Variants in GULP1 observed in about 807,000 individuals in gnomAD.
The protein encoded by GULP1 is GULP PTB domain containing engulfment adaptor 1.
In GULP1, 19 loss-of-function variants were observed where a neutral mutation model predicts 40.9. The observed-to-expected ratio is 0.46, with a 90% CI of 0.32 to 0.68. The LOEUF (loss-of-function observed/expected upper bound fraction) is 0.68. Ranked by LOEUF, GULP1 falls within the 30% of genes least tolerant of loss-of-function variation. The pLI, the probability that GULP1 is intolerant of heterozygous loss-of-function variation, is 0.03. For missense variants in GULP1, 312 were observed against 362.2 expected (o/e 0.86, Z 1.12); for synonymous variants, 119 against 117.6 (o/e 1.01, Z -0.08).
chr2:188,397,190 T>C (rs2152578840), intron 2 of GULP1, among the ~76,000 whole-genome samples: 1 of 152,330 alleles, frequency 6.6e-6, no homozygotes, highest in Middle Eastern at 3.4e-3. Context: ...TCTTTTGTCT[T>C]TCCAAGTGAG....
At chr2:188,348,525 T>C (rs1036635535) in intron 1 of GULP1, among the ~76,000 whole-genome samples, 1 of 152,192 alleles carries the variant, frequency 6.6e-6, no homozygotes, top group Non-Finnish European at 1.5e-5. Flanking sequence ...TCCTCTCCCA[T>C]GAAGATGGGT....
intron 4 of GULP1, among the ~76,000 whole-genome samples, chr2:188,502,763 G>T (rs2063550022): frequency 6.6e-6 from 1 of 151,896 alleles, no homozygotes; most frequent in African/African-American, 2.4e-5. Context: ...CTCTTAGTCA[G>T]TTAGTGCTGC....
intron 7 of GULP1, among the ~76,000 whole-genome samples, chr2:188,554,125 T>G (rs1048298064): frequency 1.3e-5 from 2 of 152,058 alleles, no homozygotes; most frequent in African/African-American, 2.4e-5. Flanking sequence ...TTGTGTATTT[T>G]TTTAGTCTCT....
At chr2:188,555,405 C>G (rs1325370788) in intron 7 of GULP1, among the ~76,000 whole-genome samples, 1 of 152,120 alleles carries the variant, frequency 6.6e-6, no homozygotes, top group East Asian at 1.9e-4. Context: ...TAAGACCAGT[C>G]TAGTGGTAAC....
chr2:188,521,900 C>A (rs1000208607), intron 4 of GULP1, among the ~76,000 whole-genome samples: 12 of 152,054 alleles, frequency 7.9e-5, no homozygotes, highest in African/African-American at 2.9e-4. Flanking sequence ...CACGGTGAAA[C>A]CCCATCTCTA....
At chr2:188,499,832 C>T (rs1358005667) in intron 4 of GULP1, among the ~76,000 whole-genome samples, 1 of 151,596 alleles carries the variant, frequency 6.6e-6, no homozygotes, top group Non-Finnish European at 1.5e-5. Flanking sequence ...TGATACAACT[C>T]TTTTTTTGGA....
intron 4 of GULP1, among the ~76,000 whole-genome samples, chr2:188,522,506 A>G (rs925198016): frequency 6.6e-6 from 1 of 151,620 alleles, no homozygotes; most frequent in South Asian, 2.1e-4. Flanking sequence ...TCCAGTAAAA[A>G]TCTACAAGTA....
intron 7 of GULP1, among the ~76,000 whole-genome samples, chr2:188,566,305 A>G (rs1697639712): frequency 6.6e-6 from 1 of 152,172 alleles, no homozygotes; most frequent in Non-Finnish European, 1.5e-5. Context: ...TCCTTACTTC[A>G]GAGCCATGAT....
chr2:188,312,482 C>G (rs1341571462), intron 1 of GULP1, among the ~76,000 whole-genome samples: 3 of 152,154 alleles, frequency 2.0e-5, no homozygotes, highest in Non-Finnish European at 1.5e-5. Context: ...TGATCTCATT[C>G]ATTTTTATGG....
intron 4 of GULP1, among the ~76,000 whole-genome samples, chr2:188,487,936 A>G (rs1383519749): frequency 1.3e-5 from 2 of 151,968 alleles, no homozygotes; most frequent in Non-Finnish European, 2.9e-5. Flanking sequence ...ATTACCTATG[A>G]GCCTTTATTT....
intron 1 of GULP1, among the ~76,000 whole-genome samples, chr2:188,317,213 T>G (rs1414458787): frequency 6.6e-6 from 1 of 152,174 alleles, no homozygotes; most frequent in Non-Finnish European, 1.5e-5. Flanking sequence ...TACGTAATTT[T>G]TCATGGCTCG....
Position 188,378,731 on chromosome 2 carries a change from C to A in GULP1, c.-171-5032C>A, listed in dbSNP as rs2048625781. Reference sequence around the variant, plus strand: ...TAACAGAGCAAGAACTCACTCATTACCACCAGGATGGCACCAAGCCATTCA... The same window carrying A: ...TAACAGAGCAAGAACTCACTCATTAACACCAGGATGGCACCAAGCCATTCA... On this transcript the variant is annotated intron_variant, in intron 1 of 11. Coordinates refer to ENST00000409830, the MANE Select transcript of GULP1 (RefSeq NM_016315.4). 2.0e-5 allele frequency among the ~76,000 whole-genome samples: 3 copies of A among 152,086 alleles called. No homozygotes were observed. The South Asian group carries it at 6.2e-4, about 32-fold the overall frequency.
In GULP1 at chr2:188,374,758, G is replaced by GA. The variant is rs756951975; in HGVS notation, c.-171-8992dup. Among the ~76,000 whole-genome samples, 212 of 139,412 alleles carry GA rather than the reference G, an allele frequency of 1.5e-3. No individual in the cohort carries two copies. In the East Asian group the frequency reaches 0.026, roughly 17 times the overall value. 91.5% of individuals were successfully genotyped at this position (139,412 alleles called of 152,430 possible). On this transcript the variant is annotated intron_variant, in intron 1 of 11. Transcript: ENST00000409830. ...GCCAAACATAACTACCAGGAAAGAG[G>GA]AAAAAAAAAAAAAGTCTGCAAAGGA...
At chr2:188,319,368 A>G (rs1442653631) in intron 1 of GULP1, among the ~76,000 whole-genome samples, 1 of 152,140 alleles carries the variant, frequency 6.6e-6, no homozygotes, top group Non-Finnish European at 1.5e-5. Context: ...GCATTATTCC[A>G]GTACAAAATT....
chr2:188,454,576 A>G (rs1163690272), intron 2 of GULP1, among the ~76,000 whole-genome samples: 3 of 152,184 alleles, frequency 2.0e-5, no homozygotes, highest in Non-Finnish European at 4.4e-5. Flanking sequence ...AACCACCTCT[A>G]TCTGCCTAGG....
At chr2:188,566,000 C>T (rs1017747658) in intron 7 of GULP1, among the ~76,000 whole-genome samples, 10 of 152,022 alleles carry the variant, frequency 6.6e-5, no homozygotes, top group Non-Finnish European at 1.0e-4. Context: ...ATTGAAGAAT[C>T]GTCACCCATA....
At chr2:188,383,360 A>G (rs2049254006) in intron 1 of GULP1, among the ~76,000 whole-genome samples, 1 of 152,220 alleles carries the variant, frequency 6.6e-6, no homozygotes, top group Non-Finnish European at 1.5e-5. Flanking sequence ...AGTGCCTTCT[A>G]AAATTCAGTT....
intron 1 of GULP1, among the ~76,000 whole-genome samples, chr2:188,373,659 A>G (rs896996635): frequency 1.3e-5 from 2 of 152,012 alleles, no homozygotes; most frequent in Non-Finnish European, 2.9e-5. Context: ...TTGACCAGTT[A>G]TTAAGACACA....
In GULP1 at chr2:188,489,702, C is replaced by A. The variant is rs1166618659; in HGVS notation, c.90+6210C>A. Among the ~76,000 whole-genome samples, 5 of 151,948 alleles carry A rather than the reference C, an allele frequency of 3.3e-5. No homozygotes were observed. In the South Asian group the frequency reaches 1.0e-3, roughly 31 times the overall value. ...TTTATGTGCCAAAGTAATACTGACACGTGTTTAAAAGGAAATTAGAAATCT... is the reference window on the plus strand; with the variant it reads ...TTTATGTGCCAAAGTAATACTGACAAGTGTTTAAAAGGAAATTAGAAATCT... On this transcript the variant is annotated intron_variant, in intron 4 of 11. Coordinates refer to ENST00000409830, the MANE Select transcript of GULP1 (RefSeq NM_016315.4).
Sources: allele counts gnomAD v4.1 joint callset (sites outside exome capture counted in the v4.1 genomes callset), GRCh38; gene constraint gnomAD v4.1.1; transcripts MANE v1.5; gene names NCBI Gene and HGNC (gene_info 2026-07-23, HGNC 2026-07-21).